UNC79: variants seen among roughly 807,000 people sequenced by gnomAD.
UNC79 encodes the protein unc-79 subunit of NALCN channel complex.
UNC79 carries 37 observed loss-of-function variants against 283.1 expected under a neutral mutation model. The ratio of observed to expected loss-of-function variants is 0.13; its 90% CI spans 0.10 to 0.17. The LOEUF is 0.17. Among genes scored for constraint, UNC79 ranks in the 10% least tolerant of loss-of-function variants. UNC79 has a pLI of 1.00. For synonymous variants in UNC79, 1,107 were observed against 1,200.2 expected (o/e 0.92, Z 1.61); for missense variants, 2,272 against 3,211.1 (o/e 0.71, Z 7.07).
intron 14 of UNC79, among the ~76,000 whole-genome samples, chr14:93,564,369 G>C (rs1566658346): frequency 6.6e-6 from 1 of 152,196 alleles, no homozygotes; most frequent in Non-Finnish European, 1.5e-5. Flanking sequence ...TTTGTAGAAG[G>C]TGTTGGCATT....
At chr14:93,669,807 C>T (rs2072641640) in intron 40 of UNC79, among the ~76,000 whole-genome samples, 1 of 152,112 alleles carries the variant, frequency 6.6e-6, no homozygotes, top group South Asian at 2.1e-4. Flanking sequence ...TGTGATTGTG[C>T]CCCCGACACT....
chr14:93,347,432 G>C, intron 1 of UNC79: 2 of 1,434,758 alleles, frequency 1.4e-6, no homozygotes, highest in Non-Finnish European at 1.8e-6. Flanking sequence ...GGCGGGAAGC[G>C]CGTGGCCCTG....
chr14:93,576,037 ACTTT>A (rs772280100), intron 17 of UNC79, among the ~76,000 whole-genome samples: 6 of 152,212 alleles, frequency 3.9e-5, no homozygotes, highest in South Asian at 2.1e-4. Flanking sequence ...AACCATCTGT[ACTTT>A]CTTTCTTTCT....
intron 41 of UNC79, among the ~76,000 whole-genome samples, chr14:93,676,055 T>C (rs1459624642): frequency 1.3e-5 from 2 of 152,186 alleles, no homozygotes; most frequent in Non-Finnish European, 2.9e-5. Flanking sequence ...TTTTTACTTA[T>C]TTATTTTTAA....
intron 34 of UNC79, among the ~76,000 whole-genome samples, chr14:93,645,395 G>T (rs1157529906): frequency 6.6e-6 from 1 of 152,138 alleles, no homozygotes; most frequent in East Asian, 1.9e-4. Context: ...AAGAGACAGG[G>T]AGTACATTTA....
Position 93,571,830 on chromosome 14 carries a change from C to A in UNC79, c.1756-64C>A, listed in dbSNP as rs2063222202. Reference sequence around the variant, plus strand: ...TCTGTACCCATTGCCTTAGGAAGTCCTTGAGTATAATTGTAACCAGTGTGT... The same window carrying A: ...TCTGTACCCATTGCCTTAGGAAGTCATTGAGTATAATTGTAACCAGTGTGT... On this transcript the variant is annotated intron_variant, in intron 14 of 48. Transcript: ENST00000555664. The A allele has an allele frequency of 1.9e-6, 3 of 1,573,554 alleles. No individual in the cohort carries two copies. The South Asian group carries it at 3.5e-5, about 18-fold the overall frequency.
intron 47 of UNC79, among the ~76,000 whole-genome samples, chr14:93,703,137 C>T (rs1433340134): frequency 2.6e-5 from 4 of 152,176 alleles, no homozygotes; most frequent in Non-Finnish European, 5.9e-5. Context: ...GTCAGCATCA[C>T]GTGACTGTCT....
intron 27 of UNC79, among the ~76,000 whole-genome samples, chr14:93,613,707 C>A (rs531881442): frequency 2.8e-4 from 43 of 152,284 alleles, no homozygotes; most frequent in Non-Finnish European, 5.0e-4. Context: ...AGCCACTGCG[C>A]CCGGCCAGTA....
At chr14:93,579,953 A>G (rs2063692161) in intron 18 of UNC79, among the ~76,000 whole-genome samples, 196 bp from the exon 19 acceptor site, 1 of 152,248 alleles carries the variant, frequency 6.6e-6, no homozygotes, top group South Asian at 2.1e-4. Flanking sequence ...TTCCTTCTAG[A>G]AAAACCCACG....
chr14:93,385,776 CCAA>C (rs1566905683), intron 1 of UNC79, among the ~76,000 whole-genome samples: 4 of 119,382 alleles, frequency 3.4e-5, no homozygotes, highest in Non-Finnish European at 1.8e-5. Context: ...AAGACTGTCC[CCAA>C]AAAAAAAAAA....
At chr14:93,679,163 T>A (rs1021712037) in intron 41 of UNC79, among the ~76,000 whole-genome samples, 2 of 152,182 alleles carry the variant, frequency 1.3e-5, no homozygotes. Flanking sequence ...CTATTATGTG[T>A]CAAGAGTAGA....
At chr14:93,418,979 T>C (rs574058654) in intron 1 of UNC79, among the ~76,000 whole-genome samples, 42 of 151,884 alleles carry the variant, frequency 2.8e-4, no homozygotes, top group Non-Finnish European at 5.0e-4. Context: ...GTTTCCCGAG[T>C]GAGGCAATGC....
chr14:93,580,330 G>A lies in UNC79; in HGVS notation c.2615G>A (p.Cys872Tyr), dbSNP rs768749737. ...AGTATCCTCTGCTATCAGCTTGCTT[G>A]TGAACTCCTGGAGAGACTAGCTCCT... is the stretch of plus-strand genomic sequence containing the variant. The change falls in exon 19 of 49, where the codon TGT becomes TAT. Residue 872 changes from cysteine (C) to tyrosine (Y), a missense_variant. This residue lies in a region of UNC79 where 356 missense variants were observed against 416.2 expected (regional missense o/e 0.86). Coordinates refer to ENST00000555664, the Ensembl canonical transcript of UNC79. 1.9e-6 allele frequency: 3 copies of A among 1,614,084 alleles called. No individual in the cohort carries two copies. Among genetic ancestry groups the A allele is most frequent in the African/African-American group, 2.7e-5 (2 of 74,932 alleles).
intron 23 of UNC79, among the ~76,000 whole-genome samples, chr14:93,595,402 C>G (rs1441669666): frequency 6.6e-6 from 1 of 152,130 alleles, no homozygotes; most frequent in South Asian, 2.1e-4. Flanking sequence ...GGTCATGTTA[C>G]TTTTCTATTC....
chr14:93,566,040 G>C (rs761313537), intron 14 of UNC79, among the ~76,000 whole-genome samples: 1 of 152,114 alleles, frequency 6.6e-6, no homozygotes, highest in Non-Finnish European at 1.5e-5. Flanking sequence ...AGCTTAGAGG[G>C]GTGGCAAGGA....
At chr14:93,413,429 T>A (rs1234615578) in intron 1 of UNC79, among the ~76,000 whole-genome samples, 3 of 151,108 alleles carry the variant, frequency 2.0e-5, no homozygotes, top group Non-Finnish European at 4.4e-5. Flanking sequence ...TCTATCATTG[T>A]TGGCCATTTG....
intron 11 of UNC79, among the ~76,000 whole-genome samples, chr14:93,534,343 A>T (rs1400096420): frequency 1.3e-5 from 2 of 152,214 alleles, no homozygotes; most frequent in Non-Finnish European, 2.9e-5. Flanking sequence ...TGCTTCGTGC[A>T]TGTAGGAGTT....
chr14:93,543,410 C>T (rs2061462066), intron 14 of UNC79, among the ~76,000 whole-genome samples: 1 of 149,424 alleles, frequency 6.7e-6, no homozygotes, highest in Non-Finnish European at 1.5e-5. Flanking sequence ...GACAGGGTCT[C>T]ACTTTGTCAC....
At chr14:93,547,809 A>G (rs2061675354) in intron 14 of UNC79, among the ~76,000 whole-genome samples, 1 of 151,932 alleles carries the variant, frequency 6.6e-6, no homozygotes, top group Admixed American at 6.6e-5. Context: ...TGGGCAACCT[A>G]GGGAGACCTT....
Sources: allele counts gnomAD v4.1 joint callset (sites outside exome capture counted in the v4.1 genomes callset), GRCh38; gene constraint gnomAD v4.1.1; regional missense constraint gnomAD v4.1.1; transcripts MANE v1.5; gene names NCBI Gene and HGNC (gene_info 2026-07-23, HGNC 2026-07-21).